The following PDE6D variants were observed in gnomAD, a reference collection of about 807,000 sequenced individuals.
The protein encoded by PDE6D is phosphodiesterase 6D, also known as retinal rod rhodopsin-sensitive cGMP 3',5'-cyclic phosphodiesterase subunit delta.
A neutral mutation model predicts 21.9 loss-of-function variants in PDE6D; 10 were observed. The ratio of observed to expected loss-of-function variants is 0.46; its 90% CI spans 0.28 to 0.78. The LOEUF is 0.78. Ranked by LOEUF, PDE6D falls within the 30% of genes least tolerant of loss-of-function variation. The probability of loss-of-function intolerance (pLI) is 0.12; values close to 1 mark genes in which losing one functional copy is unlikely to be tolerated. For missense variants in PDE6D, 139 were observed against 184.8 expected (o/e 0.75, Z 1.44); for synonymous variants, 59 against 63.5 (o/e 0.93, Z 0.34).
intron 1 of PDE6D, among the ~76,000 whole-genome samples, chr2:231,780,422 A>G (rs747774122): frequency 1.6e-4 from 24 of 152,232 alleles, no homozygotes; most frequent in Non-Finnish European, 2.8e-4. Flanking sequence ...GAAGGCCAAG[A>G]GTGTTAAGAC....
intron 1 of PDE6D, among the ~76,000 whole-genome samples, chr2:231,766,159 T>C (rs953178974): frequency 1.3e-5 from 2 of 152,234 alleles, no homozygotes; most frequent in African/African-American, 4.8e-5. Flanking sequence ...TATGCAGCAT[T>C]GTAATCAGTG....
At chr2:231,762,901 C>A (rs989957608) in intron 1 of PDE6D, among the ~76,000 whole-genome samples, 16 of 151,572 alleles carry the variant, frequency 1.1e-4, no homozygotes, top group Admixed American at 2.0e-4. Context: ...GAGTTCAAGA[C>A]CAGACTGGGC....
chr2:231,751,378 C>A (rs1050299239), intron 1 of PDE6D, among the ~76,000 whole-genome samples: 3 of 152,150 alleles, frequency 2.0e-5, no homozygotes, highest in African/African-American at 7.2e-5. Flanking sequence ...CCAGGCTGGT[C>A]TCAAGTGATC....
intron 1 of PDE6D, among the ~76,000 whole-genome samples, chr2:231,762,299 ATT>A (rs1054330030): frequency 1.1e-5 from 1 of 91,600 alleles, no homozygotes. Context: ...GAATGAAACT[ATT>A]TTTTTTTTTA....
intron 1 of PDE6D, among the ~76,000 whole-genome samples, chr2:231,777,953 C>T (rs62198569): frequency 2.6e-3 from 402 of 152,258 alleles, no homozygotes; most frequent in Non-Finnish European, 4.9e-3. Flanking sequence ...ATACAAAATG[C>T]AAAAGCCAGA....
chr2:231,774,849 C>T (rs2049042059), intron 1 of PDE6D, among the ~76,000 whole-genome samples: 1 of 152,048 alleles, frequency 6.6e-6, no homozygotes, highest in Admixed American at 6.6e-5. Context: ...CCTTGGCCTC[C>T]CAAAGTGCTG....
At chr2:231,735,423 C>G (rs943272252) in intron 4 of PDE6D, among the ~76,000 whole-genome samples, 1 of 149,964 alleles carries the variant, frequency 6.7e-6, no homozygotes. Flanking sequence ...CTCAGCCTCC[C>G]GAGTAGCTGG....
intron 1 of PDE6D, among the ~76,000 whole-genome samples, chr2:231,771,804 A>G (rs1165566655): frequency 2.0e-5 from 3 of 152,344 alleles, no homozygotes; most frequent in African/African-American, 4.8e-5. Context: ...ATATCTCAAT[A>G]TAAACATTTG....
At chr2:231,769,280 C>T (rs1056911979) in intron 1 of PDE6D, among the ~76,000 whole-genome samples, 1 of 152,220 alleles carries the variant, frequency 6.6e-6, no homozygotes, top group Non-Finnish European at 1.5e-5. Flanking sequence ...GACCAGAACG[C>T]AGCTTTTCTG....
chr2:231,763,424 G>A (rs1298750885), intron 1 of PDE6D, among the ~76,000 whole-genome samples: 1 of 151,968 alleles, frequency 6.6e-6, no homozygotes, highest in Non-Finnish European at 1.5e-5. Context: ...ATGTATTGAG[G>A]TACTGTGTAT....
At chr2:231,779,676 G>A (rs1306141760) in intron 1 of PDE6D, among the ~76,000 whole-genome samples, 1 of 152,164 alleles carries the variant, frequency 6.6e-6, no homozygotes, top group East Asian at 1.9e-4. Flanking sequence ...TATAAAAGAG[G>A]CTGCTACTAA....
At chr2:231,734,116 A>T in intron 4 of PDE6D, among the ~76,000 whole-genome samples, 1 of 152,066 alleles carries the variant, frequency 6.6e-6, no homozygotes, top group East Asian at 1.9e-4. Flanking sequence ...CGGGAGGCTG[A>T]GGCAGGAGAA....
At chr2:231,758,094 T>G (rs2048897194) in intron 1 of PDE6D, among the ~76,000 whole-genome samples, 1 of 152,236 alleles carries the variant, frequency 6.6e-6, no homozygotes, top group Non-Finnish European at 1.5e-5. Context: ...TGTAAAAGTT[T>G]TTTTTAGTCA....
At position 231,733,071 on chromosome 2, in the gene PDE6D, G is replaced by T. The variant is rs1010745157; in HGVS notation, c.372-38C>A. ...AGAGAAACAGAGGGCAAAAGAGAGT[G>T]AGCATGTTAGGCACAAGATTTCATT... On this transcript the variant is annotated intron_variant, in intron 4 of 4. Coordinates refer to ENST00000287600, the MANE Select transcript of PDE6D (RefSeq NM_002601.4). 22 of 1,322,076 alleles carry T rather than the reference G, an allele frequency of 1.7e-5. No homozygotes were observed. In the Middle Eastern group the frequency reaches 5.4e-4, roughly 33 times the overall value. The allele number at this position is 1,322,076 out of a possible 1,614,324, so 81.9% of individuals were successfully genotyped here.
intron 1 of PDE6D, among the ~76,000 whole-genome samples, chr2:231,762,676 T>C (rs2048940506): frequency 6.6e-6 from 1 of 152,124 alleles, no homozygotes. Flanking sequence ...TGAAGACTTG[T>C]AGTGCTGTAA....
chr2:231,759,464 G>T (rs534747746), intron 1 of PDE6D, among the ~76,000 whole-genome samples: 2 of 152,126 alleles, frequency 1.3e-5, no homozygotes, highest in Non-Finnish European at 2.9e-5. Flanking sequence ...GTGTACAAAG[G>T]AAGGCAAGCA....
At chr2:231,738,919 C>CAAAA (rs1157734125) in intron 2 of PDE6D, among the ~76,000 whole-genome samples, 181 bp downstream of exon 2, 531 of 59,950 alleles carry the variant, frequency 8.9e-3, no homozygotes, top group East Asian at 0.015. Context: ...GACTGTGTCT[C>CAAAA]AAAAAAAAAA....
chr2:231,738,675 G>C (rs1261484850), intron 2 of PDE6D, among the ~76,000 whole-genome samples: 1 of 152,038 alleles, frequency 6.6e-6, no homozygotes, highest in Non-Finnish European at 1.5e-5. Context: ...CAGCACTTTG[G>C]GAGGCTGAGG....
rs1422787072 is a variant in PDE6D at position 231,763,693 on chromosome 2, T to G, written c.50+17372A>C. ...CTCTGTTGCCCAGGCTGGGGTGTAG[T>G]GGTATGATTACAGCTCACTGTAACC... On this transcript the variant is annotated intron_variant, in intron 1 of 4. Transcript: ENST00000287600. Among the ~76,000 whole-genome samples the G allele has an allele frequency of 4.6e-5, 7 of 151,454 alleles. 1 individual carries two copies. The highest frequency in any genetic ancestry group is 1.7e-4 in the African/African-American group (7 of 41,228).
Sources: gnomAD v4.1 joint callset for allele counts (sites outside exome capture counted in the v4.1 genomes callset) on GRCh38, gnomAD v4.1.1 for gene constraint, MANE v1.5 for transcripts, NCBI Gene and HGNC (gene_info 2026-07-23, HGNC 2026-07-21) for gene names.